Variants in SYT14 observed in about 807,000 individuals in gnomAD.
SYT14 encodes synaptotagmin 14, also known as synaptotagmin-14.
A neutral mutation model predicts 74.2 loss-of-function variants in SYT14; 32 were observed. The ratio of observed to expected loss-of-function variants is 0.43; its 90% CI spans 0.33 to 0.58. The LOEUF is 0.58. Among genes scored for constraint, SYT14 ranks in the 20% least tolerant of loss-of-function variants. The pLI is 0.05. For missense variants in SYT14, 791 were observed against 981.8 expected (o/e 0.81, Z 2.60); for synonymous variants, 298 against 337.7 (o/e 0.88, Z 1.29).
At chr1:210,098,727 C>G (rs570706352) in intron 6 of SYT14, among the ~76,000 whole-genome samples, 6 of 151,860 alleles carry the variant, frequency 4.0e-5, no homozygotes, top group African/African-American at 9.7e-5. Flanking sequence ...GTCACTGAAG[C>G]TGGAGTCCAC....
At chr1:210,016,712 A>C in exon 4 of SYT14, 1 of 1,231,886 alleles carries the variant, frequency 8.1e-7, no homozygotes, top group East Asian at 3.2e-5. Flanking sequence ...ATATTTGGGA[A>C]GAGATCAAGA....
At chr1:209,973,367 T>G (rs1028430679) in intron 2 of SYT14, among the ~76,000 whole-genome samples, 1 of 151,918 alleles carries the variant, frequency 6.6e-6, no homozygotes, top group Non-Finnish European at 1.5e-5. Flanking sequence ...CCCTCTCCCC[T>G]CACCCCACAA....
intron 8 of SYT14, among the ~76,000 whole-genome samples, chr1:210,159,217 A>T (rs144497733): frequency 3.3e-4 from 50 of 152,280 alleles, no homozygotes; most frequent in Middle Eastern, 6.8e-3. Flanking sequence ...AGATTACACA[A>T]TAACCTTAAA....
intron 1 of SYT14, among the ~76,000 whole-genome samples, chr1:209,944,660 T>C (rs2078793306): frequency 6.6e-6 from 1 of 152,124 alleles, no homozygotes. Flanking sequence ...ATTTTAATTC[T>C]ACAGTAATTG....
chr1:209,982,330 A>G (rs926310495), intron 2 of SYT14, among the ~76,000 whole-genome samples: 3 of 151,468 alleles, frequency 2.0e-5, no homozygotes, highest in Non-Finnish European at 4.4e-5. Flanking sequence ...TTATTTTTGT[A>G]TTTTTCTTGG....
At chr1:210,121,975 T>TAAATGCCCACAACAAAGG (rs1301511107) in intron 7 of SYT14, among the ~76,000 whole-genome samples, 37 of 41,194 alleles carry the variant, frequency 9.0e-4, no homozygotes, top group African/African-American at 2.0e-3. Context: ...CTGAAACTTT[T>TAAATGCCCACAACAAAGG]TTTTTTTTTT....
At chr1:210,159,525 C>A in intron 9 of SYT14, 48 bp downstream of exon 8, 1 of 1,510,710 alleles carries the variant, frequency 6.6e-7, no homozygotes, top group Non-Finnish European at 9.0e-7. Flanking sequence ...CATGCAAAAC[C>A]AAAATACCCT....
At position 209,943,194 on chromosome 1, in the gene SYT14, A is replaced by G. The variant is rs192493978; in HGVS notation, c.-534+4917A>G. 2.8e-3 allele frequency among the ~76,000 whole-genome samples: 419 copies of G among 152,344 alleles called. 5 individuals are homozygous for G. The highest frequency in any genetic ancestry group is 0.027 in the Middle Eastern group (8 of 294). ...ACAAAATTAGAAACACTTAGCGAAC[A>G]TTAGAGACACAGTGGTATTTTATTT... On this transcript the variant is annotated intron_variant, in intron 1 of 9. Transcript: ENST00000637265.
intron 7 of SYT14, among the ~76,000 whole-genome samples, chr1:210,142,438 G>A (rs550457660): frequency 3.9e-5 from 6 of 152,232 alleles, no homozygotes; most frequent in Admixed American, 6.5e-5. Context: ...TTATAGAGGA[G>A]CAGACTTTCA....
chr1:210,065,369 A>G (rs1022799984), intron 5 of SYT14, among the ~76,000 whole-genome samples: 6 of 151,944 alleles, frequency 3.9e-5, no homozygotes, highest in Admixed American at 3.3e-4. Flanking sequence ...ATGGTTTTAT[A>G]AGGGGCTTTT....
At chr1:209,952,560 A>G (rs2078929320) in intron 1 of SYT14, 149 bp from the exon 2 acceptor site, 1 of 646,386 alleles carries the variant, frequency 1.5e-6, no homozygotes, top group Non-Finnish European at 2.7e-6. Context: ...ATATTAGGCT[A>G]TAATATTCAT....
At chr1:210,108,448 T>C (rs1251838432) in intron 7 of SYT14, among the ~76,000 whole-genome samples, 4 of 152,274 alleles carry the variant, frequency 2.6e-5, no homozygotes, top group East Asian at 3.9e-4. Flanking sequence ...AATTTTGATA[T>C]TGTGAAGGGG....
chr1:210,110,577 C>T (rs558624391), intron 7 of SYT14, among the ~76,000 whole-genome samples: 1 of 152,112 alleles, frequency 6.6e-6, no homozygotes, highest in South Asian at 2.1e-4. Context: ...TGTTGGGAGT[C>T]CAAAGCAAAG....
Position 210,160,950 on chromosome 1 carries a change from A to T in SYT14, c.2503A>T (p.Ser835Cys), listed in dbSNP as rs780343104. Residue 835 changes from serine to cysteine, a missense_variant, in exon 10 of 10, where the codon AGC becomes TGC. Transcript: ENST00000637265. The stretch of plus-strand genomic sequence containing the variant: ...AGGCTGGATTTCTTTAGGTCTCAAC[A>T]GCTCTGGAGAAGAAGAACTCAATCA... 11 of 1,614,056 alleles carry T rather than the reference A, an allele frequency of 6.8e-6. No individual in the cohort carries two copies. The South Asian group carries it at 1.2e-4, about 18-fold the overall frequency.
At chr1:210,037,970 A>T (rs1048672982) in intron 5 of SYT14, among the ~76,000 whole-genome samples, 1 of 151,920 alleles carries the variant, frequency 6.6e-6, no homozygotes, top group Non-Finnish European at 1.5e-5. Flanking sequence ...CTAAAATCCA[A>T]TTTAAGTTCA....
intron 2 of SYT14, among the ~76,000 whole-genome samples, chr1:210,002,018 T>A (rs2102881900): frequency 6.6e-6 from 1 of 152,246 alleles, no homozygotes; most frequent in African/African-American, 2.4e-5. Context: ...CTGGACACTG[T>A]GATAAGATTA....
At chr1:210,120,546 C>CA (rs781281242) in intron 7 of SYT14, among the ~76,000 whole-genome samples, 11 of 152,112 alleles carry the variant, frequency 7.2e-5, no homozygotes, top group Admixed American at 1.3e-4. Context: ...CAGTTGCCTA[C>CA]AGTGTTCAGT....
At chr1:210,025,308 G>A (rs931380246) in intron 5 of SYT14, among the ~76,000 whole-genome samples, 1 of 152,110 alleles carries the variant, frequency 6.6e-6, no homozygotes, top group African/African-American at 2.4e-5. Context: ...TCATTTTCCT[G>A]TGTGAATAGA....
In SYT14 at chr1:209,974,383, T is replaced by G. The variant is rs551581856; in HGVS notation, c.-486+21627T>G. Among the ~76,000 whole-genome samples the G allele has an allele frequency of 1.1e-4, 16 of 152,344 alleles. No individual in the cohort carries two copies. In the South Asian group the frequency reaches 3.3e-3, roughly 32 times the overall value. ...ATCTTTAATCCATCTTGAATTAATT[T>G]TTGTATAAGGTGTAAGGAAGGGATC... On this transcript the variant is annotated intron_variant, in intron 2 of 9. Coordinates refer to ENST00000637265, the Ensembl canonical transcript of SYT14.
Sources: allele counts gnomAD v4.1 joint callset (sites outside exome capture counted in the v4.1 genomes callset), GRCh38; gene constraint gnomAD v4.1.1; transcripts MANE v1.5; gene names NCBI Gene and HGNC (gene_info 2026-07-23, HGNC 2026-07-21).